CUL4B: variants seen among roughly 807,000 people sequenced by gnomAD.
The protein encoded by CUL4B is cullin 4B.
In CUL4B, 1 loss-of-function variant was observed where a neutral mutation model predicts 69.2. The observed-to-expected ratio is 0.01, with a 90% confidence interval of 0.01 to 0.07. The LOEUF is 0.07. Among genes scored for constraint, CUL4B ranks in the 10% least tolerant of loss-of-function variants. The probability of loss-of-function intolerance (pLI) is 1.00; values close to 1 mark genes in which losing one functional copy is unlikely to be tolerated. For synonymous variants in CUL4B, 237 were observed against 223.2 expected (o/e 1.06, Z -0.55); for missense variants, 328 against 638.8 (o/e 0.51, Z 5.24).
chrX:120,567,601 G>A (rs763725956), downstream of CUL4B, among the ~76,000 whole-genome samples: 4 of 108,760 alleles, frequency 3.7e-5, no homozygotes, highest in South Asian at 8.2e-4. Context: ...GGCCAGGTGC[G>A]GTGGCTCATG....
chrX:120,563,658 A>G (rs887968798), upstream of CUL4B, among the ~76,000 whole-genome samples: 4 of 112,435 alleles, frequency 3.6e-5, no homozygotes, highest in African/African-American at 9.7e-5. Context: ...TATTGAATTG[A>G]GTATTTCATT....
intron 18 of CUL4B, among the ~76,000 whole-genome samples, chrX:120,531,236 C>T (rs187923296): frequency 1.9e-3 from 202 of 108,679 alleles, no homozygotes; most frequent in Non-Finnish European, 2.8e-3. Context: ...GCAGGATAAT[C>T]GCTTGAACCT....
chrX:120,574,296 C>T (rs983653225), intron 2 of CUL4B, among the ~76,000 whole-genome samples: 16 of 110,731 alleles, frequency 1.4e-4, no homozygotes, highest in Non-Finnish European at 2.5e-4. Context: ...CCGCAAGCTC[C>T]GCCTCCCGGG....
At chrX:120,532,649 T>C (rs1923387662) in intron 17 of CUL4B, 55 bp from the exon 18 acceptor site, 1 of 1,021,972 alleles carries the variant, frequency 9.8e-7, no homozygotes, top group Middle Eastern at 2.5e-4. Flanking sequence ...AACTACGACA[T>C]TCTACCTCAA....
chrX:120,526,243 A>G lies in CUL4B; in HGVS notation c.*518T>C, dbSNP rs1368090838. The stretch of plus-strand genomic sequence containing the variant: ...GAACATCACCTAGTAAAATATCAAT[A>G]GCTATGACAATTCATTTCTCTTTTC... On this transcript the variant is annotated 3_prime_UTR_variant, in exon 20 of 20. Transcript: ENST00000371322. 1 of 113,317 alleles carries G rather than the reference A, an allele frequency of 8.8e-6. No homozygotes were observed. The highest frequency in any genetic ancestry group is 3.2e-5 in the African/African-American group (1 of 30,930). The allele number at this position is 113,317 out of a possible 1,213,427, so 9.3% of individuals were successfully genotyped here.
rs1032225263 is a variant in CUL4B, at chrX:120,541,930, C to G, written c.1325-210G>C. On this transcript the variant is annotated intron_variant, in intron 9 of 19. Transcript: ENST00000371322. ...AAACTAAATATAGAGACTTTAGTCG[C>G]TATAAAAATAAAAACAGGCCAGGCA... 6.4e-5 allele frequency among the ~76,000 whole-genome samples: 7 copies of G among 110,118 alleles called. No individual in the cohort carries two copies. In the South Asian group the frequency reaches 2.3e-3, roughly 37 times the overall value.
chrX:120,553,376 C>T (rs1924796053), intron 2 of CUL4B, among the ~76,000 whole-genome samples: 1 of 111,679 alleles, frequency 9.0e-6, no homozygotes, highest in Admixed American at 9.6e-5. Flanking sequence ...GATTCTAGTC[C>T]TGTGGTCATC....
At chrX:120,568,330 T>C (rs920337648), downstream of CUL4B, among the ~76,000 whole-genome samples, 8 of 111,941 alleles carry the variant, frequency 7.1e-5, no homozygotes, top group African/African-American at 9.8e-5. Flanking sequence ...TAATCAAGTT[T>C]GACAGCTTAT....
intron 19 of CUL4B, among the ~76,000 whole-genome samples, chrX:120,528,491 T>C (rs954440376): frequency 1.5e-4 from 16 of 110,138 alleles, no homozygotes; most frequent in Middle Eastern, 4.7e-3. Context: ...TTTGGGAGGC[T>C]GTGGGCAGAT....
intron 2 of CUL4B, among the ~76,000 whole-genome samples, chrX:120,550,550 A>C (rs941972527): frequency 1.8e-5 from 2 of 111,742 alleles, no homozygotes; most frequent in Non-Finnish European, 3.8e-5. Context: ...ACCCACAGGG[A>C]AACAGATAAA....
chrX:120,543,893 C>T, intron 7 of CUL4B, 84 bp from the exon 8 acceptor site: 1 of 733,005 alleles, frequency 1.4e-6, no homozygotes, highest in Non-Finnish European at 2.1e-6. Flanking sequence ...CTGGAAGTGG[C>T]CCTGTCAAAT....
chrX:120,555,845 G>A (rs1924929646), intron 2 of CUL4B, among the ~76,000 whole-genome samples: 2 of 106,711 alleles, frequency 1.9e-5, no homozygotes, highest in South Asian at 8.3e-4. Context: ...GGGAAGCTGA[G>A]GCAAGAGGAT....
chrX:120,553,749 C>A (rs1450611526), intron 2 of CUL4B, among the ~76,000 whole-genome samples: 4 of 110,821 alleles, frequency 3.6e-5, no homozygotes, highest in African/African-American at 1.3e-4. Flanking sequence ...TCTATTTAAA[C>A]AAAACAAAAC....
intron 2 of CUL4B, among the ~76,000 whole-genome samples, chrX:120,556,824 C>T (rs193056401): frequency 8.2e-4 from 91 of 111,046 alleles, no homozygotes; most frequent in African/African-American, 2.8e-3. Flanking sequence ...CTAAAATATA[C>T]AAATACTGAT....
chrX:120,564,764 A>G (rs181700085), upstream of CUL4B, among the ~76,000 whole-genome samples: 2 of 112,733 alleles, frequency 1.8e-5, no homozygotes, highest in African/African-American at 3.2e-5. Context: ...TACATTTTCA[A>G]GGTTGAACTC....
intron 11 of CUL4B, among the ~76,000 whole-genome samples, 155 bp downstream of exon 11, chrX:120,540,215 G>A (rs750429458): frequency 8.9e-6 from 1 of 111,972 alleles, no homozygotes; most frequent in Non-Finnish European, 1.9e-5. Flanking sequence ...TTACATCCAG[G>A]TTTTTAGAAA....
rs1032989457 is a variant in CUL4B at position 120,532,153 on chromosome X, C to T, written c.2439+269G>A. The stretch of plus-strand genomic sequence containing the variant: ...TATTACACTGCCATCTGCCATTTTT[C>T]GAAGCTATTTAATGGCATGGAAAAA... On this transcript the variant is annotated intron_variant, in intron 18 of 19. Coordinates refer to ENST00000371322, the MANE Select transcript of CUL4B (RefSeq NM_001079872.2). Among the ~76,000 whole-genome samples the T allele has an allele frequency of 2.7e-5, 3 of 111,428 alleles. No individual in the cohort carries two copies. The Admixed American group carries it at 2.9e-4, about 11-fold the overall frequency.
chrX:120,569,011 G>A (rs1925633994), downstream of CUL4B, among the ~76,000 whole-genome samples: 2 of 111,940 alleles, frequency 1.8e-5, no homozygotes, highest in Admixed American at 1.9e-4. Flanking sequence ...AAATCAAAAT[G>A]CCCAAAAGGA....
chrX:120,536,339 A>T (rs1330608141), intron 15 of CUL4B, among the ~76,000 whole-genome samples: 1 of 112,461 alleles, frequency 8.9e-6, no homozygotes, highest in Non-Finnish European at 1.9e-5. Flanking sequence ...CTTTGAGAGA[A>T]ATCTACTCCC....
Sources: allele counts gnomAD v4.1 joint callset (sites outside exome capture counted in the v4.1 genomes callset), GRCh38; gene constraint gnomAD v4.1.1; transcripts MANE v1.5; gene names NCBI Gene and HGNC (gene_info 2026-07-23, HGNC 2026-07-21).